MAML2: variants seen among roughly 807,000 people sequenced by gnomAD.
MAML2 encodes mastermind like transcriptional coactivator 2.
In MAML2, 22 loss-of-function variants were observed where a neutral mutation model predicts 96.1. The ratio of observed to expected loss-of-function variants is 0.23; its 90% CI spans 0.16 to 0.33. The LOEUF (loss-of-function observed/expected upper bound fraction) is 0.33. MAML2 is among the 10% of genes least tolerant of loss of function. MAML2 has a pLI of 1.00. For missense variants in MAML2, 1,367 were observed against 1,392.4 expected (o/e 0.98, Z 0.29); for synonymous variants, 561 against 521.3 (o/e 1.08, Z -1.04).
chr11:96,026,476 C>T (rs1348065048), intron 2 of MAML2, among the ~76,000 whole-genome samples: 6 of 152,092 alleles, frequency 3.9e-5, no homozygotes, highest in South Asian at 4.2e-4. Context: ...CGGCTTCTAC[C>T]GTGGTGAGAT....
chr11:96,330,517 A>G (rs1863838913), intron 1 of MAML2, among the ~76,000 whole-genome samples: 1 of 152,240 alleles, frequency 6.6e-6, no homozygotes, highest in Non-Finnish European at 1.5e-5. Context: ...AAACTTTTCT[A>G]CTTACAAACC....
At chr11:96,248,113 C>CTTT (rs35775102) in intron 1 of MAML2, among the ~76,000 whole-genome samples, 20 of 132,210 alleles carry the variant, frequency 1.5e-4, no homozygotes, top group South Asian at 4.8e-4. Context: ...TGTTTTTTTA[C>CTTT]TTTTTTTTTT....
At chr11:96,184,085 G>A (rs1010596325) in intron 1 of MAML2, among the ~76,000 whole-genome samples, 6 of 150,422 alleles carry the variant, frequency 4.0e-5, no homozygotes, top group Non-Finnish European at 6.0e-5. Flanking sequence ...TGGTACTCCC[G>A]GGCAGCACTA....
intron 1 of MAML2, among the ~76,000 whole-genome samples, chr11:96,173,248 T>C (rs538717647): frequency 6.6e-6 from 1 of 152,294 alleles, no homozygotes; most frequent in East Asian, 1.9e-4. Context: ...GCCTCAAATG[T>C]AGAGTATATT....
At chr11:96,216,246 C>T (rs1487760349) in intron 1 of MAML2, among the ~76,000 whole-genome samples, 1 of 152,208 alleles carries the variant, frequency 6.6e-6, no homozygotes, top group East Asian at 1.9e-4. Flanking sequence ...TAGCCTACTC[C>T]TCAACCTAAA....
At chr11:96,015,031 A>G (rs1858322112) in intron 2 of MAML2, among the ~76,000 whole-genome samples, 1 of 152,170 alleles carries the variant, frequency 6.6e-6, no homozygotes, top group Non-Finnish European at 1.5e-5. Context: ...TAGTATCTCC[A>G]TTTTATAGAT....
At chr11:96,162,306 G>T (rs1196471598) in intron 1 of MAML2, among the ~76,000 whole-genome samples, 3 of 148,916 alleles carry the variant, frequency 2.0e-5, no homozygotes, top group African/African-American at 7.5e-5. Context: ...CCTCGACATG[G>T]TACAAAACAA....
intron 1 of MAML2, among the ~76,000 whole-genome samples, chr11:96,110,279 G>A (rs1394399315): frequency 2.6e-5 from 4 of 152,204 alleles, no homozygotes; most frequent in African/African-American, 7.2e-5. Flanking sequence ...GAGAGTTACA[G>A]GGTAGAAGAC....
chr11:96,274,442 T>G lies in MAML2; in HGVS notation c.513+66941A>C, dbSNP rs529900724. Among the ~76,000 whole-genome samples, 192 of 152,320 alleles carry G rather than the reference T, an allele frequency of 1.3e-3. 3 individuals are homozygous for G. The Middle Eastern group carries it at 0.014, about 11-fold the overall frequency. ...ATAGACATCTTTACACGTCTCTTTC[T>G]CTCTACTATAGCTTTCCTGTTGTTG... is the stretch of plus-strand genomic sequence containing the variant. On this transcript the variant is annotated intron_variant, in intron 1 of 4. Transcript: ENST00000524717.
At chr11:95,994,649 G>A (rs1174405650) in intron 2 of MAML2, among the ~76,000 whole-genome samples, 1 of 152,150 alleles carries the variant, frequency 6.6e-6, no homozygotes, top group Non-Finnish European at 1.5e-5. Context: ...GGGAGAGAAT[G>A]TATTGGAGAT....
At chr11:96,152,780 A>C (rs1413295461) in intron 1 of MAML2, among the ~76,000 whole-genome samples, 1 of 152,210 alleles carries the variant, frequency 6.6e-6, no homozygotes, top group Non-Finnish European at 1.5e-5. Context: ...TTTTGCTGGG[A>C]GAATACCAAT....
intron 2 of MAML2, among the ~76,000 whole-genome samples, chr11:96,085,727 C>A (rs758916137): frequency 6.6e-6 from 1 of 152,176 alleles, no homozygotes; most frequent in Non-Finnish European, 1.5e-5. Flanking sequence ...GACACACAGA[C>A]AAAGACCTTG....
rs71040137 is a variant in MAML2 at position 96,221,689 on chromosome 11, C to CTT, written c.513+119692_513+119693dup. Among the ~76,000 whole-genome samples the CTT allele has an allele frequency of 1.8e-3, 191 of 105,742 alleles. 1 individual carries two copies. Among genetic ancestry groups the CTT allele is most frequent in the African/African-American group, 5.1e-3 (141 of 27,528 alleles). The allele number at this position is 105,742 out of a possible 152,430, so 69.4% of individuals were successfully genotyped here. ...AGATGTGAGTGGCAGTTCAGTCAAG[C>CTT]TTTTTTTTTTTTTTTTTTTTTTACT... On this transcript the variant is annotated intron_variant, in intron 1 of 4. Coordinates refer to ENST00000524717, the MANE Select transcript of MAML2 (RefSeq NM_032427.4).
chr11:96,185,200 T>C (rs1861554879), intron 1 of MAML2, among the ~76,000 whole-genome samples: 1 of 148,344 alleles, frequency 6.7e-6, no homozygotes, highest in Non-Finnish European at 1.5e-5. Flanking sequence ...CAAAACTCCA[T>C]CTGTGTTACA....
intron 2 of MAML2, among the ~76,000 whole-genome samples, chr11:95,999,343 C>G (rs576087515): frequency 6.6e-6 from 1 of 152,172 alleles, no homozygotes; most frequent in South Asian, 2.1e-4. Context: ...CTGGGACTAC[C>G]TCTTTCTTTC....
intron 1 of MAML2, among the ~76,000 whole-genome samples, chr11:96,185,654 C>A (rs1180441104): frequency 1.7e-4 from 26 of 152,288 alleles, no homozygotes; most frequent in Non-Finnish European, 1.5e-5. Context: ...TCCCCCAGAC[C>A]TGCTGAATGA....
At chr11:96,182,019 AAAGAC>A (rs1408408689) in intron 1 of MAML2, among the ~76,000 whole-genome samples, 1 of 152,190 alleles carries the variant, frequency 6.6e-6, no homozygotes, top group Non-Finnish European at 1.5e-5. Context: ...TATGAGGAAA[AAAGAC>A]AAACTAATTT....
intron 1 of MAML2, among the ~76,000 whole-genome samples, chr11:96,294,434 CAG>C: frequency 6.6e-6 from 1 of 152,156 alleles, no homozygotes; most frequent in African/African-American, 2.4e-5. Context: ...GAAAAAGAAA[CAG>C]ATAACCATTT....
intron 1 of MAML2, among the ~76,000 whole-genome samples, chr11:96,194,215 G>C (rs1215536811): frequency 1.3e-5 from 2 of 152,212 alleles, no homozygotes; most frequent in Admixed American, 6.5e-5. Context: ...CTGGAGGCTG[G>C]GGTGGGCAGT....
Sources: allele counts gnomAD v4.1 joint callset (sites outside exome capture counted in the v4.1 genomes callset), GRCh38; gene constraint gnomAD v4.1.1; transcripts MANE v1.5; gene names NCBI Gene and HGNC (gene_info 2026-07-23, HGNC 2026-07-21).